Variants in IMMP2L observed in about 807,000 individuals in gnomAD.
IMMP2L encodes mitochondrial inner membrane protease subunit 2.
A neutral mutation model predicts 19.3 loss-of-function variants in IMMP2L; 18 were observed. That is an observed-to-expected ratio of 0.93 (90% CI 0.64 to 1.38). The LOEUF is 1.38. Ranked by LOEUF, IMMP2L falls within the 40% of genes most tolerant of loss-of-function variation. IMMP2L has a pLI of 0.00. For missense variants in IMMP2L, 233 were observed against 218.2 expected, an observed-to-expected ratio of 1.07 and a Z score of -0.43; for synonymous variants, 76 against 73.0, an observed-to-expected ratio of 1.04 and a Z score of -0.21.
intron 2 of IMMP2L, among the ~76,000 whole-genome samples, chr7:111,505,202 A>T (rs1435884796): frequency 3.3e-5 from 5 of 151,866 alleles, no homozygotes; most frequent in Non-Finnish European, 5.9e-5. Flanking sequence ...ACATTTATGC[A>T]GCCAAAAAAC....
intron 2 of IMMP2L, among the ~76,000 whole-genome samples, chr7:111,512,450 C>T (rs1845532838): frequency 6.8e-6 from 1 of 148,118 alleles, no homozygotes; most frequent in Non-Finnish European, 1.5e-5. Context: ...GTAATGATTG[C>T]ATGACTCCAT....
intron 5 of IMMP2L, among the ~76,000 whole-genome samples, chr7:110,729,160 T>A (rs1016602151): frequency 6.6e-6 from 1 of 152,078 alleles, no homozygotes; most frequent in South Asian, 2.1e-4. Flanking sequence ...TGGGATTACA[T>A]GCATGAGCCA....
intron 5 of IMMP2L, among the ~76,000 whole-genome samples, chr7:110,871,116 C>G (rs1246152133): frequency 6.6e-6 from 1 of 152,014 alleles, no homozygotes; most frequent in Admixed American, 6.6e-5. Flanking sequence ...TGCCGCCTAA[C>G]TTTTTGTCTT....
At chr7:111,093,332 T>C (rs569862924) in intron 3 of IMMP2L, among the ~76,000 whole-genome samples, 49 of 152,314 alleles carry the variant, frequency 3.2e-4, no homozygotes, top group Non-Finnish European at 5.7e-4. Context: ...GTGTTTTATT[T>C]GCTTTTCTGC....
At chr7:111,505,798 C>T (rs1585411155) in intron 2 of IMMP2L, among the ~76,000 whole-genome samples, 1 of 150,244 alleles carries the variant, frequency 6.7e-6, no homozygotes, top group East Asian at 2.0e-4. Flanking sequence ...GGAAGGGGAA[C>T]ATCACACAGT....
At chr7:110,775,525 T>G (rs908713671) in intron 5 of IMMP2L, among the ~76,000 whole-genome samples, 3 of 152,054 alleles carry the variant, frequency 2.0e-5, no homozygotes, top group African/African-American at 7.2e-5. Flanking sequence ...ATGGAGGTTT[T>G]ATTTTGGTAT....
At chr7:111,124,876 G>A in intron 3 of IMMP2L, 1 of 1,595,992 alleles carries the variant, frequency 6.3e-7, no homozygotes, top group Non-Finnish European at 8.5e-7. Context: ...AACTGTTATA[G>A]GTTTACCAAC....
intron 5 of IMMP2L, among the ~76,000 whole-genome samples, chr7:110,717,164 ACTATAAAGG>A (rs1157697948): frequency 6.6e-6 from 1 of 152,172 alleles, no homozygotes; most frequent in Non-Finnish European, 1.5e-5. Context: ...ATCCAAGTAG[ACTATAAAGG>A]CTCAGTTTAA....
At chr7:111,061,548 A>G (rs1046445480) in intron 3 of IMMP2L, among the ~76,000 whole-genome samples, 4 of 152,118 alleles carry the variant, frequency 2.6e-5, no homozygotes, top group African/African-American at 7.2e-5. Flanking sequence ...TCTCCCTCAC[A>G]TTCCTCATCT....
chr7:111,376,750 T>G (rs187723700), intron 3 of IMMP2L, among the ~76,000 whole-genome samples: 66 of 152,202 alleles, frequency 4.3e-4, no homozygotes, highest in Non-Finnish European at 7.9e-4. Flanking sequence ...ACATACAACA[T>G]GATGAACCTT....
chr7:111,075,229 T>C (rs1336905232), intron 3 of IMMP2L, among the ~76,000 whole-genome samples: 1 of 146,024 alleles, frequency 6.8e-6, no homozygotes, highest in Non-Finnish European at 1.5e-5. Context: ...CGGGTTCAAG[T>C]GATTCTCCTG....
intron 3 of IMMP2L, among the ~76,000 whole-genome samples, chr7:111,317,474 G>T (rs1824233189): frequency 6.6e-6 from 1 of 152,044 alleles, no homozygotes; most frequent in Non-Finnish European, 1.5e-5. Flanking sequence ...GGAAATTGAG[G>T]TTTATCAATC....
At chr7:111,182,584 AAG>A (rs1392257294) in intron 3 of IMMP2L, among the ~76,000 whole-genome samples, 2 of 151,898 alleles carry the variant, frequency 1.3e-5, no homozygotes, top group African/African-American at 2.4e-5. Context: ...AGAATTAGAA[AAG>A]AGAGTACAAA....
chr7:111,049,307 A>C (rs1011200597), intron 3 of IMMP2L, among the ~76,000 whole-genome samples: 1 of 150,850 alleles, frequency 6.6e-6, no homozygotes, highest in Non-Finnish European at 1.5e-5. Flanking sequence ...ATTTTTTTGT[A>C]TTTTTAGTAG....
At chr7:111,398,763 A>T (rs764501810) in intron 3 of IMMP2L, among the ~76,000 whole-genome samples, 1 of 152,046 alleles carries the variant, frequency 6.6e-6, no homozygotes, top group Non-Finnish European at 1.5e-5. Flanking sequence ...AACTGATAAA[A>T]GAATTCAGCA....
intron 3 of IMMP2L, among the ~76,000 whole-genome samples, chr7:111,397,922 G>A (rs943643066): frequency 5.3e-5 from 8 of 151,706 alleles, no homozygotes; most frequent in East Asian, 1.9e-4. Context: ...GTTTTATATC[G>A]AGGAAGGCCT....
intron 3 of IMMP2L, among the ~76,000 whole-genome samples, chr7:111,022,658 CA>C (rs1367703036): frequency 6.6e-6 from 1 of 152,138 alleles, no homozygotes; most frequent in African/African-American, 2.4e-5. Flanking sequence ...TCTACCCTCA[CA>C]AAAAATTTTG....
chr7:111,261,461 T>C (rs1003465479), intron 3 of IMMP2L, among the ~76,000 whole-genome samples: 2 of 152,168 alleles, frequency 1.3e-5, no homozygotes, highest in African/African-American at 4.8e-5. Flanking sequence ...CTAAATTCCC[T>C]TTACTCTCTG....
At chr7:110,846,502 A>C (rs1353182513) in intron 5 of IMMP2L, among the ~76,000 whole-genome samples, 1 of 151,916 alleles carries the variant, frequency 6.6e-6, no homozygotes, top group Non-Finnish European at 1.5e-5. Flanking sequence ...AGTAGCTGGG[A>C]CTACTGGCGC....
Sources: allele counts gnomAD v4.1 joint callset (sites outside exome capture counted in the v4.1 genomes callset), GRCh38; gene constraint gnomAD v4.1.1; transcripts MANE v1.5; gene names NCBI Gene and HGNC (gene_info 2026-07-23, HGNC 2026-07-21).